Variants in PLXNA4 observed in about 807,000 individuals in gnomAD.
PLXNA4 encodes plexin A4.
PLXNA4 carries 44 observed loss-of-function variants against 191.8 expected under a neutral mutation model. That is an observed-to-expected ratio of 0.23 (90% CI 0.18 to 0.29). The LOEUF is 0.29. PLXNA4 is among the 10% of genes least tolerant of loss of function. The pLI, the probability that PLXNA4 is intolerant of heterozygous loss-of-function variation, is 1.00. For synonymous variants in PLXNA4, 1,082 were observed against 1,009.5 expected, an observed-to-expected ratio of 1.07 and a Z score of -1.36; for missense variants, 1,800 against 2,488.8, an observed-to-expected ratio of 0.72 and a Z score of 5.89.
intron 2 of PLXNA4, among the ~76,000 whole-genome samples, chr7:132,639,791 T>C (rs1016812622): frequency 6.6e-6 from 1 of 152,194 alleles, no homozygotes; most frequent in East Asian, 1.9e-4. Flanking sequence ...TACACTCAAA[T>C]TGTAAAAGTC....
At chr7:132,327,689 G>A (rs571941367) in intron 3 of PLXNA4, among the ~76,000 whole-genome samples, 2 of 152,308 alleles carry the variant, frequency 1.3e-5, no homozygotes, top group South Asian at 2.1e-4. Context: ...TCTGGATCCC[G>A]CATGATTTAT....
rs760680174 is a variant in PLXNA4, at chr7:132,146,573, C to G, written c.4992G>C (p.Lys1664Asn). 32 of 1,614,198 alleles carry G rather than the reference C, an allele frequency of 2.0e-5. No individual in the cohort carries two copies. Among genetic ancestry groups the G allele is most frequent in the Non-Finnish European group, 2.2e-5 (26 of 1,180,028 alleles). Reference sequence around the variant, plus strand: ...CCATCTTGCTCCCCCGGTCCCCCTCCTTCTGGTCTCCGTGCTCGTGGTTCT... The same window carrying G: ...CCATCTTGCTCCCCCGGTCCCCCTCGTTCTGGTCTCCGTGCTCGTGGTTCT... ...LVKNHEHGDQ[K>N]EGDRGSKMVS... Residue 1664 changes from lysine to asparagine, a missense_variant, in exon 28 of 32, where the codon AAG (lysine) becomes AAC (asparagine). Transcript: ENST00000321063.
chr7:132,442,919 C>T (rs933519647), intron 3 of PLXNA4, among the ~76,000 whole-genome samples: 3 of 152,154 alleles, frequency 2.0e-5, no homozygotes, highest in Non-Finnish European at 2.9e-5. Flanking sequence ...GGCTGGCTGG[C>T]GTTTGATGGG....
chr7:132,275,957 C>T (rs1800261296), intron 4 of PLXNA4, among the ~76,000 whole-genome samples: 1 of 152,190 alleles, frequency 6.6e-6, no homozygotes, highest in Admixed American at 6.5e-5. Flanking sequence ...CATCTGGTGG[C>T]CAGCTCTCAT....
intron 4 of PLXNA4, among the ~76,000 whole-genome samples, chr7:132,283,568 G>C (rs146064952): frequency 0.012 from 1,823 of 151,700 alleles, 31 homozygotes; most frequent in African/African-American, 0.041. Context: ...ATCGCAAGAA[G>C]AACTCAGCCT....
At chr7:132,512,459 G>T (rs1045105018) in intron 1 of PLXNA4, among the ~76,000 whole-genome samples, 22 of 152,196 alleles carry the variant, frequency 1.4e-4, no homozygotes, top group African/African-American at 4.8e-4. Context: ...CTCATCTGGG[G>T]ATGGTGAGAT....
At chr7:132,277,507 C>G (rs1488249769) in intron 4 of PLXNA4, among the ~76,000 whole-genome samples, 1 of 152,144 alleles carries the variant, frequency 6.6e-6, no homozygotes, top group African/African-American at 2.4e-5. Flanking sequence ...TTGAATCACG[C>G]ACAGGATTCC....
chr7:132,520,396 GC>G (rs1365099767), intron 1 of PLXNA4, among the ~76,000 whole-genome samples: 1 of 152,166 alleles, frequency 6.6e-6, no homozygotes, highest in Non-Finnish European at 1.5e-5. Context: ...AAAGGCCTTT[GC>G]TTCTTCCGGC....
At chr7:132,547,245 T>C (rs1351285453) in intron 1 of PLXNA4, among the ~76,000 whole-genome samples, 3 of 152,164 alleles carry the variant, frequency 2.0e-5, no homozygotes, top group African/African-American at 7.2e-5. Flanking sequence ...AAGGAAGGCA[T>C]CATCACCCCC....
At chr7:132,463,097 C>G (rs976409516) in intron 3 of PLXNA4, among the ~76,000 whole-genome samples, 2 of 151,956 alleles carry the variant, frequency 1.3e-5, no homozygotes, top group Admixed American at 1.3e-4. Flanking sequence ...TGATCCACCC[C>G]CCTTCAGCCT....
chr7:132,575,166 C>T (rs1333289457), intron 1 of PLXNA4, among the ~76,000 whole-genome samples: 2 of 152,158 alleles, frequency 1.3e-5, no homozygotes, highest in African/African-American at 4.8e-5. Flanking sequence ...AAATTAGTTG[C>T]TCTTAGACCC....
intron 3 of PLXNA4, among the ~76,000 whole-genome samples, chr7:132,362,990 T>C (rs932711021): frequency 2.6e-5 from 4 of 152,180 alleles, no homozygotes; most frequent in African/African-American, 9.7e-5. Flanking sequence ...AACTATTTTA[T>C]TTATTTATTT....
At chr7:132,218,843 T>A (rs1798052352) in intron 9 of PLXNA4, among the ~76,000 whole-genome samples, 1 of 152,214 alleles carries the variant, frequency 6.6e-6, no homozygotes, top group South Asian at 2.1e-4. Context: ...ACAACATATG[T>A]TATTGGGCAT....
intron 4 of PLXNA4, among the ~76,000 whole-genome samples, chr7:132,283,001 C>T (rs117091367): frequency 1.3e-4 from 20 of 152,158 alleles, no homozygotes; most frequent in Non-Finnish European, 2.2e-4. Flanking sequence ...CTCAGCCCCC[C>T]CCAAGTAACT....
chr7:132,529,453 G>A (rs1205079506), intron 1 of PLXNA4, among the ~76,000 whole-genome samples: 2 of 152,108 alleles, frequency 1.3e-5, no homozygotes, highest in Non-Finnish European at 2.9e-5. Flanking sequence ...GGACATGAAG[G>A]CTGTGTTGAA....
intron 20 of PLXNA4, among the ~76,000 whole-genome samples, chr7:132,178,845 T>TAC (rs56027205): frequency 0.1 from 8,470 of 83,412 alleles, 1,085 homozygotes; most frequent in East Asian, 0.2. Context: ...TACACATATA[T>TAC]ACACACACAC....
At chr7:132,248,763 G>A (rs1303453984) in intron 4 of PLXNA4, among the ~76,000 whole-genome samples, 1 of 152,224 alleles carries the variant, frequency 6.6e-6, no homozygotes, top group African/African-American at 2.4e-5. Context: ...GAAAGAGAAT[G>A]CAGCCCTCCA....
chr7:132,167,630 G>T (rs931493918), intron 22 of PLXNA4, among the ~76,000 whole-genome samples: 1 of 152,084 alleles, frequency 6.6e-6, no homozygotes, highest in African/African-American at 2.4e-5. Context: ...AAACTCCAGG[G>T]CTTAAAGGAT....
At chr7:132,309,493 C>T (rs892104172) in intron 3 of PLXNA4, among the ~76,000 whole-genome samples, 1 of 152,166 alleles carries the variant, frequency 6.6e-6, no homozygotes, top group Non-Finnish European at 1.5e-5. Flanking sequence ...AAGCCATGTT[C>T]ATCTCTGCCC....
Sources: allele counts gnomAD v4.1 joint callset (sites outside exome capture counted in the v4.1 genomes callset), GRCh38; gene constraint gnomAD v4.1.1; transcripts MANE v1.5; gene names NCBI Gene and HGNC (gene_info 2026-07-23, HGNC 2026-07-21).